Variants in HNRNPC observed in about 807,000 individuals in gnomAD.
HNRNPC encodes the protein heterogeneous nuclear ribonucleoprotein C.
Under a neutral mutation model 33.2 loss-of-function variants are expected in HNRNPC, and 3 were observed. The observed-to-expected ratio is 0.09, with a 90% CI of 0.04 to 0.23. HNRNPC has a LOEUF of 0.23. Ranked by LOEUF, HNRNPC falls within the 10% of genes least tolerant of loss-of-function variation. HNRNPC has a pLI of 1.00. For missense variants in HNRNPC, 143 were observed against 366.7 expected (o/e 0.39, Z 4.98); for synonymous variants, 121 against 126.7 (o/e 0.96, Z 0.30).
intron 5 of HNRNPC, among the ~76,000 whole-genome samples, chr14:21,227,846 T>C (rs111737450): frequency 1.3e-5 from 2 of 151,956 alleles, no homozygotes; most frequent in Non-Finnish European, 2.9e-5. Flanking sequence ...CAACTAAGAG[T>C]CCATGACATC....
intron 5 of HNRNPC, among the ~76,000 whole-genome samples, chr14:21,221,133 G>T (rs1892785643): frequency 6.6e-6 from 1 of 152,186 alleles, no homozygotes; most frequent in Non-Finnish European, 1.5e-5. Flanking sequence ...TGCCTGTGAT[G>T]AACGTGAATT....
chr14:21,258,192 A>T (rs1044084090), intron 2 of HNRNPC, among the ~76,000 whole-genome samples: 15 of 152,120 alleles, frequency 9.9e-5, no homozygotes, highest in Non-Finnish European at 2.2e-4. Flanking sequence ...GGATTTCTAG[A>T]CCAGCCTGGC....
At chr14:21,255,499 G>T (rs755932661) in intron 2 of HNRNPC, among the ~76,000 whole-genome samples, 3 of 152,174 alleles carry the variant, frequency 2.0e-5, no homozygotes, top group Non-Finnish European at 4.4e-5. Flanking sequence ...ATGCTAACTC[G>T]ACTCTATCAC....
At chr14:21,222,374 A>AT (rs1892922969) in intron 5 of HNRNPC, among the ~76,000 whole-genome samples, 2 of 152,104 alleles carry the variant, frequency 1.3e-5, no homozygotes, top group Admixed American at 1.3e-4. Flanking sequence ...CCATGGCAGA[A>AT]TTTGTTTTTG....
chr14:21,264,238 T>C (rs1663588883), intron 1 of HNRNPC: 1 of 152,150 alleles, frequency 6.6e-6, no homozygotes, highest in South Asian at 2.1e-4. Flanking sequence ...CCGTGGAGTT[T>C]TTGCTATGAG....
At chr14:21,211,654 C>G in intron 7 of HNRNPC, 88 bp from the exon 8 acceptor site, 7 of 1,490,054 alleles carry the variant, frequency 4.7e-6, no homozygotes, top group Non-Finnish European at 6.4e-6. Flanking sequence ...AACTGCAGCA[C>G]AAATCTAAAT....
chr14:21,230,244 T>C (rs1893962958), intron 5 of HNRNPC, 75 bp downstream of exon 5: 2 of 1,046,818 alleles, frequency 1.9e-6, no homozygotes, highest in Non-Finnish European at 2.9e-6. Context: ...TTGATGTTCA[T>C]CACCACAAAC....
intron 5 of HNRNPC, among the ~76,000 whole-genome samples, chr14:21,218,701 A>AAAAAT (rs1408856078): frequency 6.7e-6 from 1 of 149,638 alleles, no homozygotes; most frequent in African/African-American, 2.5e-5. Flanking sequence ...AAAAAAAAAA[A>AAAAAT]AAAAAAACTG....
chr14:21,262,120 T>A (rs1281123359), intron 2 of HNRNPC, among the ~76,000 whole-genome samples: 1 of 152,204 alleles, frequency 6.6e-6, no homozygotes, highest in Non-Finnish European at 1.5e-5. Context: ...TTTTTTCAAA[T>A]TTTTAAAAGC....
chr14:21,252,964 A>G (rs1896831414), intron 2 of HNRNPC, among the ~76,000 whole-genome samples: 1 of 152,084 alleles, frequency 6.6e-6, no homozygotes, highest in African/African-American at 2.4e-5. Context: ...TCACAAGGTC[A>G]AGAGATCAAG....
intron 5 of HNRNPC, among the ~76,000 whole-genome samples, chr14:21,215,929 G>A (rs1257075720): frequency 2.2e-5 from 3 of 135,076 alleles, no homozygotes; most frequent in Admixed American, 7.6e-5. Flanking sequence ...AAGAAAGAAA[G>A]AAAAGGAAAA....
chr14:21,267,113 A>AAC (rs1879140766), intron 1 of HNRNPC, among the ~76,000 whole-genome samples: 1 of 64,752 alleles, frequency 1.5e-5, no homozygotes, highest in African/African-American at 5.6e-5. Context: ...AAAAAAAAAA[A>AAC]AAAAAAAAAA....
chr14:21,247,219 C>T (rs1454286219), intron 2 of HNRNPC, among the ~76,000 whole-genome samples: 1 of 152,132 alleles, frequency 6.6e-6, no homozygotes, highest in African/African-American at 2.4e-5. Flanking sequence ...CAGGGCTTAG[C>T]AGTTCGTATT....
In HNRNPC at chr14:21,239,419, C is replaced by A. The variant is rs559002508; in HGVS notation, c.-36-5190G>T. On this transcript the variant is annotated intron_variant, in intron 2 of 8. Transcript: ENST00000553300. Reference sequence around the variant, plus strand: ...TGCTTGAACCTTGGAGGCAGAGGTGCAGTCAGCGGAGATAGCGCCACTGCA... The same window carrying A: ...TGCTTGAACCTTGGAGGCAGAGGTGAAGTCAGCGGAGATAGCGCCACTGCA... Among the ~76,000 whole-genome samples the A allele has an allele frequency of 2.3e-3, 347 of 151,830 alleles. 2 individuals carry two copies. Among genetic ancestry groups the A allele is most frequent in the Middle Eastern group, 0.014 (4 of 292 alleles).
At chr14:21,252,732 A>T (rs1896807324) in intron 2 of HNRNPC, among the ~76,000 whole-genome samples, 1 of 152,234 alleles carries the variant, frequency 6.6e-6, no homozygotes, top group Non-Finnish European at 1.5e-5. Context: ...AAATGTATCA[A>T]GAATTTGCTT....
intron 3 of HNRNPC, chr14:21,231,484 A>C: frequency 2.3e-6 from 1 of 443,486 alleles, no homozygotes. Flanking sequence ...AGTAGCAGGG[A>C]CCACCACGCC....
intron 1 of HNRNPC, among the ~76,000 whole-genome samples, chr14:21,268,121 T>C (rs1048151961): frequency 6.6e-6 from 1 of 152,180 alleles, no homozygotes. Flanking sequence ...CATGTGAGGA[T>C]TAAAAAAAGC....
intron 5 of HNRNPC, among the ~76,000 whole-genome samples, chr14:21,222,720 G>A (rs1048257454): frequency 6.6e-5 from 10 of 151,616 alleles, no homozygotes; most frequent in African/African-American, 2.2e-4. Context: ...GTGAAACTGC[G>A]TCTCTACTAA....
At chr14:21,260,318 A>G (rs1877996848) in intron 2 of HNRNPC, among the ~76,000 whole-genome samples, 1 of 149,788 alleles carries the variant, frequency 6.7e-6, no homozygotes, top group African/African-American at 2.5e-5. Context: ...GTGAGCCAAG[A>G]TCACACCACT....
Sources: allele counts gnomAD v4.1 joint callset (sites outside exome capture counted in the v4.1 genomes callset), GRCh38; gene constraint gnomAD v4.1.1; transcripts MANE v1.5; gene names NCBI Gene and HGNC (gene_info 2026-07-23, HGNC 2026-07-21).